Variants in FSHR observed in about 807,000 individuals in gnomAD.
The protein encoded by FSHR is follicle stimulating hormone receptor.
Under a neutral mutation model 52.1 loss-of-function variants are expected in FSHR, and 46 were observed. The ratio of observed to expected loss-of-function variants is 0.88; its 90% confidence interval spans 0.70 to 1.13. The LOEUF is 1.13. Ranked by LOEUF, FSHR falls within the 50% of genes most tolerant of loss-of-function variation. The pLI is 0.00. For synonymous variants in FSHR, 399 were observed against 309.6 expected (o/e 1.29, Z -3.03); for missense variants, 964 against 834.6 (o/e 1.16, Z -1.91).
chr2:48,967,058 A>C lies in FSHR; in HGVS notation c.854+1640T>G, dbSNP rs150123225. 2.9e-3 allele frequency among the ~76,000 whole-genome samples: 434 copies of C among 152,276 alleles called. 2 individuals carry two copies. The highest frequency in any genetic ancestry group is 0.01 in the African/African-American group (424 of 41,560). ...TCTTGGGGTGTGTTGGAACTGGGCC[A>C]AATAGCACACTGCAAGCTGCTCTCA... On this transcript the variant is annotated intron_variant, in intron 9 of 9. Coordinates refer to ENST00000406846, the MANE Select transcript of FSHR (RefSeq NM_000145.4).
At chr2:48,990,766 T>G (rs759833133) in intron 4 of FSHR, 129 bp from the exon 5 acceptor site, 1 of 708,514 alleles carries the variant, frequency 1.4e-6, no homozygotes, top group Non-Finnish European at 2.6e-6. Context: ...AAAGCCCGTA[T>G]ATACGTGAAT....
chr2:48,979,799 C>A lies in FSHR; in HGVS notation c.668+3113G>T, dbSNP rs553118231. 5.3e-5 allele frequency among the ~76,000 whole-genome samples: 8 copies of A among 151,092 alleles called. No homozygotes were observed. In the South Asian group the frequency reaches 1.7e-3, roughly 32 times the overall value. On this transcript the variant is annotated intron_variant, in intron 8 of 9. Coordinates refer to ENST00000406846, the MANE Select transcript of FSHR (RefSeq NM_000145.4). ...AAACCTCCCGCATGCAGATATATCA[C>A]AGTCTTTGTGTGTGTGTGTGTGTGT... is the stretch of plus-strand genomic sequence containing the variant.
intron 6 of FSHR, among the ~76,000 whole-genome samples, chr2:48,984,616 T>G (rs1488052889): frequency 6.6e-6 from 1 of 152,060 alleles, no homozygotes; most frequent in Non-Finnish European, 1.5e-5. Context: ...AGGCCTAATA[T>G]TGAGAAGAGA....
chr2:49,054,120 G>A (rs957808349), intron 2 of FSHR, among the ~76,000 whole-genome samples: 1 of 152,148 alleles, frequency 6.6e-6, no homozygotes, highest in African/African-American at 2.4e-5. Flanking sequence ...CTTGGACAGA[G>A]AATTTGATCT....
intron 1 of FSHR, among the ~76,000 whole-genome samples, chr2:49,148,209 C>G (rs1182207204): frequency 1.3e-5 from 2 of 151,822 alleles, no homozygotes; most frequent in Non-Finnish European, 2.9e-5. Flanking sequence ...AATGATGTGC[C>G]TAGAGTATAG....
At chr2:49,077,710 G>A (rs1669999877) in intron 1 of FSHR, among the ~76,000 whole-genome samples, 1 of 152,128 alleles carries the variant, frequency 6.6e-6, no homozygotes, top group Non-Finnish European at 1.5e-5. Context: ...AGTCTTGAGT[G>A]CTTTGCTGCT....
chr2:49,118,166 C>A (rs1671673569), intron 1 of FSHR, among the ~76,000 whole-genome samples: 3 of 151,984 alleles, frequency 2.0e-5, no homozygotes, highest in Non-Finnish European at 4.4e-5. Context: ...AGGTGGTGGA[C>A]TTGTGCCTGA....
At chr2:49,115,620 G>A (rs1671570944) in intron 1 of FSHR, among the ~76,000 whole-genome samples, 1 of 152,138 alleles carries the variant, frequency 6.6e-6, no homozygotes, top group Admixed American at 6.6e-5. Context: ...GGTGCCACAT[G>A]CTGCTAGAGA....
At chr2:48,971,822 G>A (rs1674754276) in intron 8 of FSHR, among the ~76,000 whole-genome samples, 2 of 152,074 alleles carry the variant, frequency 1.3e-5, no homozygotes, top group East Asian at 1.9e-4. Flanking sequence ...GTAACTTTCT[G>A]TATCTCTAGT....
intron 1 of FSHR, among the ~76,000 whole-genome samples, chr2:49,127,398 A>T (rs1026517524): frequency 6.6e-6 from 1 of 152,124 alleles, no homozygotes; most frequent in African/African-American, 2.4e-5. Context: ...CTGAGCATAT[A>T]AAAGAGTAGA....
Position 49,084,202 on chromosome 2 carries a change from C to T in FSHR, c.153-15912G>A, listed in dbSNP as rs201045723. Among the ~76,000 whole-genome samples the T allele has an allele frequency of 9.0e-4, 137 of 151,414 alleles. 5 individuals are homozygous for T. The South Asian group carries it at 0.026, about 28-fold the overall frequency. ...CAGCATTAAGAATCTCACTCAAAAC[C>T]GCTCAACTACATGGAAACTGAACAA... On this transcript the variant is annotated intron_variant, in intron 1 of 9. Coordinates refer to ENST00000406846, the MANE Select transcript of FSHR (RefSeq NM_000145.4).
chr2:48,962,455 AC>A lies in FSHR; in HGVS notation c.*277del. ...AACAGGGATCACTTGAGATATCTGA[AC>A]AAAAGCACTTTGAACATAACGTGCA... On this transcript the variant is annotated 3_prime_UTR_variant, in exon 10 of 10. Coordinates refer to ENST00000406846, the MANE Select transcript of FSHR (RefSeq NM_000145.4). 2.5e-6 allele frequency: 1 copy of A among 405,384 alleles called. No homozygotes were observed. The highest frequency in any genetic ancestry group is 5.6e-5 in the East Asian group (1 of 17,860). The allele number at this position is 405,384 out of a possible 1,614,324, so 25.1% of individuals were successfully genotyped here. A position where few individuals can be genotyped will look rare whatever the true frequency, so the allele number is the denominator to read the frequency against.
chr2:49,063,702 G>C (rs1204519438), intron 2 of FSHR, among the ~76,000 whole-genome samples: 1 of 152,202 alleles, frequency 6.6e-6, no homozygotes, highest in African/African-American at 2.4e-5. Flanking sequence ...CAAAAGATTG[G>C]TTAATAGATA....
chr2:49,121,406 G>A (rs1671812859), intron 1 of FSHR, among the ~76,000 whole-genome samples: 1 of 152,144 alleles, frequency 6.6e-6, no homozygotes, highest in South Asian at 2.1e-4. Flanking sequence ...CCTGTAAATG[G>A]TAGCTATTAT....
intron 2 of FSHR, among the ~76,000 whole-genome samples, chr2:49,037,385 A>G (rs1336755938): frequency 2.0e-5 from 3 of 152,224 alleles, no homozygotes; most frequent in Non-Finnish European, 4.4e-5. Context: ...AACACACTTC[A>G]TCCTTCCTGC....
chr2:49,001,364 G>GCTCCCCTGC, intron 4 of FSHR, among the ~76,000 whole-genome samples: 1 of 152,178 alleles, frequency 6.6e-6, no homozygotes, highest in South Asian at 2.1e-4. Flanking sequence ...AGGCACTCTG[G>GCTCCCCTGC]CTCCCCTGCC....
rs749391155 is a variant in FSHR, at chr2:48,962,920, C to T, written c.1901G>A (p.Arg634His). ...GCTCAGCAGAATGAAGAAATCTCTG[C>T]GAAAGTTTTTGGTAAAGATGGCATA... ...FLYAIFTKNFRRDFFILLSKC... is the reference protein window; with the variant it reads ...FLYAIFTKNFHRDFFILLSKC... The change falls in exon 10 of 10, where the codon CGC becomes CAC. Residue 634 changes from arginine to histidine, a missense_variant. Physicochemically the swap from Arg to His is conservative, Grantham distance 29. Transcript: ENST00000406846. The T allele has an allele frequency of 2.4e-5, 38 of 1,614,020 alleles. No individual in the cohort carries two copies. The highest frequency in any genetic ancestry group is 1.6e-4 in the Middle Eastern group (1 of 6,062).
intron 1 of FSHR, among the ~76,000 whole-genome samples, chr2:49,092,124 T>A (rs552519666): frequency 6.6e-6 from 1 of 152,228 alleles, no homozygotes; most frequent in South Asian, 2.1e-4. Flanking sequence ...TTTCAATTTT[T>A]TGAGCAACTG....
At chr2:48,967,672 G>A (rs751028907) in intron 9 of FSHR, among the ~76,000 whole-genome samples, 4 of 152,184 alleles carry the variant, frequency 2.6e-5, no homozygotes, top group Non-Finnish European at 5.9e-5. Flanking sequence ...CTCCAAAAGG[G>A]TCTGAGTAGG....
Sources: allele counts gnomAD v4.1 joint callset (sites outside exome capture counted in the v4.1 genomes callset), GRCh38; gene constraint gnomAD v4.1.1; transcripts MANE v1.5; gene names NCBI Gene and HGNC (gene_info 2026-07-23, HGNC 2026-07-21).